The following ATR variants were observed in gnomAD, a reference collection of about 807,000 sequenced individuals.
The protein encoded by ATR is serine/threonine-protein kinase ATR.
A neutral mutation model predicts 305.3 loss-of-function variants in ATR; 142 were observed. That is an observed-to-expected ratio of 0.47 (90% CI 0.41 to 0.53). ATR has a LOEUF of 0.53. ATR is among the 20% of genes least tolerant of loss of function. The probability of loss-of-function intolerance (pLI) is 0.00; values close to 1 mark genes in which losing one functional copy is unlikely to be tolerated. For missense variants in ATR, 2,135 were observed against 3,133.1 expected (o/e 0.68, Z 7.60); for synonymous variants, 1,050 against 1,068.1 (o/e 0.98, Z 0.33).
intron 21 of ATR, among the ~76,000 whole-genome samples, chr3:142,526,856 T>C (rs2033414182): frequency 6.6e-6 from 1 of 151,912 alleles, no homozygotes; most frequent in Non-Finnish European, 1.5e-5. Flanking sequence ...TGGCATGATC[T>C]TGGCTCACTG....
chr3:142,571,506 A>C (rs979493552), intron 1 of ATR, among the ~76,000 whole-genome samples: 1 of 149,400 alleles, frequency 6.7e-6, no homozygotes, highest in Admixed American at 6.6e-5. Flanking sequence ...TAAATAAATA[A>C]ATAATCAAAA....
intron 36 of ATR, among the ~76,000 whole-genome samples, chr3:142,479,928 T>G (rs2030294405): frequency 6.6e-6 from 1 of 152,264 alleles, no homozygotes; most frequent in South Asian, 2.1e-4. Context: ...GCCGTGGATT[T>G]CAGCTCCATC....
chr3:142,531,715 TATGTGTGCATGTGTCTTTATA>T (rs2033655468), intron 21 of ATR, among the ~76,000 whole-genome samples: 1 of 152,214 alleles, frequency 6.6e-6, no homozygotes, highest in African/African-American at 2.4e-5. Flanking sequence ...GCAATAAACA[TATGTGTGCATGTGTCTTTATA>T]GCAGCATGTT....
chr3:142,524,248 T>A, intron 21 of ATR, 49 bp from the exon 22 acceptor site: 1 of 1,487,328 alleles, frequency 6.7e-7, no homozygotes, highest in Non-Finnish European at 9.3e-7. Context: ...TACAAACTAG[T>A]ATGTTTTCCT....
chr3:142,554,277 G>A (rs2034583313), intron 10 of ATR, among the ~76,000 whole-genome samples: 1 of 151,916 alleles, frequency 6.6e-6, no homozygotes, highest in Non-Finnish European at 1.5e-5. Flanking sequence ...CTGGAGTGCA[G>A]TGGCATGATC....
At chr3:142,524,280 T>C in intron 21 of ATR, 81 bp from the exon 22 acceptor site, 1 of 1,286,868 alleles carries the variant, frequency 7.8e-7, no homozygotes, top group East Asian at 2.5e-5. Flanking sequence ...CTTAAAAATA[T>C]TAAGGAATAT....
chr3:142,542,441 C>G (rs1213601240), intron 17 of ATR, among the ~76,000 whole-genome samples: 1 of 152,134 alleles, frequency 6.6e-6, no homozygotes, highest in Non-Finnish European at 1.5e-5. Context: ...GCCACAAGTT[C>G]CTTTTAGTCA....
At chr3:142,493,106 T>C (rs577748793) in intron 35 of ATR, 26 bp downstream of exon 35, 1 of 1,606,302 alleles carries the variant, frequency 6.2e-7, no homozygotes, top group Non-Finnish European at 8.5e-7. Context: ...CAGAGTTAAC[T>C]GAAACTGCAT....
At chr3:142,451,050 TG>T in intron 46 of ATR, 1 of 1,276,616 alleles carries the variant, frequency 7.8e-7, no homozygotes, top group South Asian at 1.4e-5. Flanking sequence ...GAATCATCCC[TG>T]GAGCTCCAGG....
chr3:142,560,600 T>G (rs1304881270), intron 5 of ATR, 146 bp from the exon 6 acceptor site: 35 of 637,326 alleles, frequency 5.5e-5, no homozygotes, highest in Non-Finnish European at 7.0e-5. Flanking sequence ...TCACTCTGTC[T>G]CCCAGGCTGG....
chr3:142,556,830 G>A (rs1380721001), intron 8 of ATR, among the ~76,000 whole-genome samples: 2 of 152,044 alleles, frequency 1.3e-5, no homozygotes, highest in African/African-American at 4.8e-5. Flanking sequence ...ATACCTACCA[G>A]ATAGGAAAAA....
At chr3:142,570,381 TTTTA>T (rs1306188552) in intron 1 of ATR, among the ~76,000 whole-genome samples, 1 of 152,088 alleles carries the variant, frequency 6.6e-6, no homozygotes. Flanking sequence ...GTTCCCTTAT[TTTTA>T]TTTATTTATT....
In ATR at chr3:142,462,038, T is replaced by C. The variant is rs750155648; in HGVS notation, c.7094A>G (p.Tyr2365Cys). ...SRRRELHIRTYAVIPLNDECG... is the reference protein window; with the variant it reads ...SRRRELHIRTCAVIPLNDECG... ...TTCATCATTTAGTGGAATAACTGCA[T>C]ATGTTCGAATATGAAGTTCTCTTCT... Residue 2365 changes from tyrosine (Y) to cysteine (C), a missense_variant, in exon 42 of 47, where the codon TAT becomes TGT. Transcript: ENST00000350721. The C allele has an allele frequency of 6.2e-7, 1 of 1,613,176 alleles. No individual in the cohort carries two copies. Among genetic ancestry groups the C allele is most frequent in the Non-Finnish European group, 8.5e-7 (1 of 1,179,412 alleles).
At chr3:142,568,217 TTCTC>T in intron 1 of ATR, 63 bp from the exon 2 acceptor site, 1 of 1,310,072 alleles carries the variant, frequency 7.6e-7, no homozygotes, top group Non-Finnish European at 1.1e-6. Flanking sequence ...CAAAAAAAAT[TTCTC>T]TAAAGTAGAA....
chr3:142,559,939 T>C (rs2034816476), intron 6 of ATR, among the ~76,000 whole-genome samples: 2 of 152,214 alleles, frequency 1.3e-5, no homozygotes, highest in Admixed American at 1.3e-4. Context: ...AAATGTGTTC[T>C]GGTACTTTCT....
chr3:142,525,212 C>T (rs2033322433), intron 21 of ATR, among the ~76,000 whole-genome samples: 1 of 152,078 alleles, frequency 6.6e-6, no homozygotes, highest in Non-Finnish European at 1.5e-5. Flanking sequence ...TCCATATGTA[C>T]TTGGGTCTAT....
intron 36 of ATR, among the ~76,000 whole-genome samples, chr3:142,479,938 C>T (rs2030295104): frequency 6.6e-6 from 1 of 152,214 alleles, no homozygotes; most frequent in African/African-American, 2.4e-5. Flanking sequence ...TCAGCTCCAT[C>T]AGGTCCTTTA....
chr3:142,548,292 T>C (rs1467138877), intron 15 of ATR, among the ~76,000 whole-genome samples: 2 of 152,194 alleles, frequency 1.3e-5, no homozygotes, highest in Non-Finnish European at 2.9e-5. Flanking sequence ...CTAGCTGTCA[T>C]TTATCAGATA....
intron 41 of ATR, among the ~76,000 whole-genome samples, chr3:142,464,024 C>T (rs1166888531): frequency 1.3e-5 from 2 of 152,208 alleles, no homozygotes; most frequent in Non-Finnish European, 1.5e-5. Flanking sequence ...TAAAACCATA[C>T]ATTTATAATA....
Sources: allele counts gnomAD v4.1 joint callset (sites outside exome capture counted in the v4.1 genomes callset), GRCh38; gene constraint gnomAD v4.1.1; transcripts MANE v1.5; gene names NCBI Gene and HGNC (gene_info 2026-07-23, HGNC 2026-07-21).